ARHGEF12: variants seen among roughly 807,000 people sequenced by gnomAD.
ARHGEF12 encodes the protein KMT2A/ARHGEF12 fusion protein.
A neutral mutation model predicts 211.2 loss-of-function variants in ARHGEF12; 66 were observed. That is an observed-to-expected ratio of 0.31 (90% CI 0.26 to 0.38). The LOEUF (loss-of-function observed/expected upper bound fraction) is 0.38, where lower values mean the gene tolerates loss of function less well. Among genes scored for constraint, ARHGEF12 ranks in the 10% least tolerant of loss-of-function variants. The probability of loss-of-function intolerance (pLI) is 1.00; values close to 1 mark genes in which losing one functional copy is unlikely to be tolerated. For synonymous variants in ARHGEF12, 592 were observed against 638.4 expected, an observed-to-expected ratio of 0.93 and a Z score of 1.09; for missense variants, 1,429 against 1,869.5, an observed-to-expected ratio of 0.76 and a Z score of 4.34.
intron 28 of ARHGEF12, among the ~76,000 whole-genome samples, chr11:120,466,193 G>A (rs4938808): frequency 6.6e-5 from 10 of 152,030 alleles, no homozygotes; most frequent in Admixed American, 2.0e-4. Context: ...CAGCGTCAGC[G>A]GGAGCTGCAG....
At chr11:120,433,484 C>G (rs1041829149) in intron 11 of ARHGEF12, among the ~76,000 whole-genome samples, 1 of 152,156 alleles carries the variant, frequency 6.6e-6, no homozygotes, top group African/African-American at 2.4e-5. Flanking sequence ...TTGTCCCTAC[C>G]ATGAGATGGG....
chr11:120,338,254 C>G (rs1352944833), intron 1 of ARHGEF12, among the ~76,000 whole-genome samples: 1 of 152,204 alleles, frequency 6.6e-6, no homozygotes, highest in Non-Finnish European at 1.5e-5. Flanking sequence ...GATCAAGTAA[C>G]TGAATTAGAG....
chr11:120,360,072 A>G (rs1943237911), intron 1 of ARHGEF12, among the ~76,000 whole-genome samples: 1 of 151,926 alleles, frequency 6.6e-6, no homozygotes, highest in Admixed American at 6.6e-5. Flanking sequence ...TAAGGTAGAG[A>G]CTCTTTAAAG....
At chr11:120,468,302 A>G (rs1361403659) in intron 29 of ARHGEF12, among the ~76,000 whole-genome samples, 2 of 152,246 alleles carry the variant, frequency 1.3e-5, no homozygotes, top group African/African-American at 2.4e-5. Context: ...GTTTACACTC[A>G]TACATATTAA....
chr11:120,397,283 C>G (rs1944420203), intron 1 of ARHGEF12, among the ~76,000 whole-genome samples: 1 of 152,190 alleles, frequency 6.6e-6, no homozygotes, highest in South Asian at 2.1e-4. Context: ...GCTTCTTCAG[C>G]TTCTGCTGCT....
intron 7 of ARHGEF12, among the ~76,000 whole-genome samples, chr11:120,425,699 T>G (rs1335824006): frequency 6.6e-6 from 1 of 151,292 alleles, no homozygotes; most frequent in East Asian, 1.9e-4. Context: ...ACCTAAAATA[T>G]AACTTCCTTT....
chr11:120,424,375 G>T lies in ARHGEF12; in HGVS notation c.366G>T (p.Val122=). The change falls in exon 7 of 41, where the codon GTG becomes GTT. Residue 122 remains valine, a synonymous_variant. Coordinates refer to ENST00000397843, the MANE Select transcript of ARHGEF12 (RefSeq NM_015313.3). ...DRIIKVNGTL[V]THSNHLEVVK... is the part of the protein sequence containing the mutation. ...TCTTACAGGTGAATGGAACTCTGGT[G>T]ACTCATTCAAATCATCTGGAGGTGG... 6.2e-7 allele frequency: 1 copy of T among 1,613,264 alleles called. No individual in the cohort carries two copies.
At position 120,468,323 on chromosome 11, in the gene ARHGEF12, T is replaced by G. The variant is rs80203020; in HGVS notation, c.2855-965T>G. ...ACTCATACATATTAATTTTTACACT[T>G]TAATATATCTGCTCAGTGTAGTTAG... On this transcript the variant is annotated intron_variant, in intron 29 of 40. Coordinates refer to ENST00000397843, the MANE Select transcript of ARHGEF12 (RefSeq NM_015313.3). Among the ~76,000 whole-genome samples, 633 of 152,374 alleles carry G rather than the reference T, an allele frequency of 4.2e-3. 7 individuals are homozygous for G. The highest frequency in any genetic ancestry group is 0.014 in the African/African-American group (574 of 41,594).
At position 120,375,350 on chromosome 11, in the gene ARHGEF12, C is replaced by T. The variant is rs188534457; in HGVS notation, c.33-30768C>T. Among the ~76,000 whole-genome samples the T allele has an allele frequency of 2.2e-4, 33 of 152,114 alleles. No individual in the cohort carries two copies. In the East Asian group the frequency reaches 5.8e-3, roughly 27 times the overall value. On this transcript the variant is annotated intron_variant, in intron 1 of 40. Transcript: ENST00000397843. ...AGCATTGGGAAGTATTTTTAACATC[C>T]GTGTTAGATCATCTTTTTGACCTTT...
intron 1 of ARHGEF12, among the ~76,000 whole-genome samples, chr11:120,371,178 A>G (rs767914618): frequency 2.4e-4 from 37 of 152,342 alleles, no homozygotes; most frequent in Middle Eastern, 3.4e-3. Flanking sequence ...AACTAAAAGT[A>G]TAGACATTTA....
intron 4 of ARHGEF12, among the ~76,000 whole-genome samples, chr11:120,420,100 G>A (rs1945140370): frequency 6.6e-6 from 1 of 152,136 alleles, no homozygotes; most frequent in Admixed American, 6.5e-5. Flanking sequence ...AGAGATGAAG[G>A]AACTGGTTGA....
intron 15 of ARHGEF12, among the ~76,000 whole-genome samples, chr11:120,445,036 A>G (rs1034475792): frequency 6.6e-6 from 1 of 152,176 alleles, no homozygotes; most frequent in African/African-American, 2.4e-5. Flanking sequence ...ATGTGAGTAC[A>G]TTTTTCATAT....
intron 24 of ARHGEF12, 126 bp downstream of exon 24, chr11:120,457,882 A>C (rs1448660965): frequency 1.7e-6 from 2 of 1,199,366 alleles, no homozygotes. Flanking sequence ...TATAAAAGAA[A>C]GCTCTTAAGA....
At chr11:120,403,374 G>A (rs1243341730) in intron 1 of ARHGEF12, among the ~76,000 whole-genome samples, 1 of 152,064 alleles carries the variant, frequency 6.6e-6, no homozygotes, top group Non-Finnish European at 1.5e-5. Flanking sequence ...GGGCATGGTG[G>A]CACGCAGCTG....
chr11:120,341,069 G>A (rs1295330832), intron 1 of ARHGEF12, among the ~76,000 whole-genome samples: 1 of 152,046 alleles, frequency 6.6e-6, no homozygotes, highest in African/African-American at 2.4e-5. Flanking sequence ...TAACATGTAG[G>A]TTTTTTTCTT....
At chr11:120,461,312 C>G (rs1946522599) in intron 27 of ARHGEF12, among the ~76,000 whole-genome samples, 1 of 152,132 alleles carries the variant, frequency 6.6e-6, no homozygotes, top group Non-Finnish European at 1.5e-5. Flanking sequence ...TGTTAGCAGG[C>G]CTGCAAACAA....
At chr11:120,456,612 G>A (rs1946369650) in intron 22 of ARHGEF12, among the ~76,000 whole-genome samples, 1 of 152,156 alleles carries the variant, frequency 6.6e-6, no homozygotes, top group Admixed American at 6.5e-5. Context: ...AGGATAAGAT[G>A]GGAAAATGTT....
intron 13 of ARHGEF12, among the ~76,000 whole-genome samples, chr11:120,441,395 T>A (rs116492443): frequency 6.6e-6 from 1 of 152,164 alleles, no homozygotes; most frequent in Non-Finnish European, 1.5e-5. Context: ...AGCCTTCCAC[T>A]GCATTTCTAG....
intron 1 of ARHGEF12, among the ~76,000 whole-genome samples, chr11:120,374,307 T>C (rs558365574): frequency 2.6e-5 from 4 of 152,182 alleles, no homozygotes; most frequent in African/African-American, 7.2e-5. Context: ...TTTAAAGATA[T>C]CTCACAGTTC....
Sources: gnomAD v4.1 joint callset for allele counts (sites outside exome capture counted in the v4.1 genomes callset) on GRCh38, gnomAD v4.1.1 for gene constraint, MANE v1.5 for transcripts, NCBI Gene and HGNC (gene_info 2026-07-23, HGNC 2026-07-21) for gene names.